PSD3: variants seen among roughly 807,000 people sequenced by gnomAD.
PSD3 encodes pleckstrin and Sec7 domain containing 3.
In PSD3, 49 loss-of-function variants were observed where a neutral mutation model predicts 105.5. The observed-to-expected ratio is 0.46, with a 90% confidence interval of 0.37 to 0.59. The LOEUF (loss-of-function observed/expected upper bound fraction) is 0.59, where lower values mean the gene tolerates loss of function less well. Among genes scored for constraint, PSD3 ranks in the 20% least tolerant of loss-of-function variants. The pLI, the probability that PSD3 is intolerant of heterozygous loss-of-function variation, is 0.00. For synonymous variants in PSD3, 557 were observed against 457.8 expected, an observed-to-expected ratio of 1.22 and a Z score of -2.77; for missense variants, 1,561 against 1,263.8, an observed-to-expected ratio of 1.24 and a Z score of -3.57.
At chr8:18,752,515 ATGTAATATATATAATTATATAT>A (rs1563225025) in intron 9 of PSD3, among the ~76,000 whole-genome samples, 1 of 85,016 alleles carries the variant, frequency 1.2e-5, no homozygotes, top group African/African-American at 7.0e-5. Flanking sequence ...TATATAATAT[ATGTAATATATATAATTATATAT>A]TATATATATT....
At chr8:19,071,411 T>C (rs929075454) in intron 1 of PSD3, among the ~76,000 whole-genome samples, 1 of 152,172 alleles carries the variant, frequency 6.6e-6, no homozygotes, top group Non-Finnish European at 1.5e-5. Flanking sequence ...AGCTCCCCTT[T>C]CTTCCTGCCT....
intron 11 of PSD3, among the ~76,000 whole-genome samples, chr8:18,606,454 G>A (rs1300502163): frequency 6.6e-6 from 1 of 152,144 alleles, no homozygotes; most frequent in African/African-American, 2.4e-5. Flanking sequence ...TCAGATAAAA[G>A]TTATCTAAAA....
chr8:18,683,758 T>C, intron 9 of PSD3: 2 of 764,324 alleles, frequency 2.6e-6, no homozygotes, highest in East Asian at 2.4e-5. Context: ...TAAGGTTCAA[T>C]GTGGTATTTC....
At chr8:18,740,088 C>T (rs973866202) in intron 9 of PSD3, among the ~76,000 whole-genome samples, 1 of 152,182 alleles carries the variant, frequency 6.6e-6, no homozygotes, top group Non-Finnish European at 1.5e-5. Context: ...GCCAGCCAGC[C>T]TCCACGAGCA....
chr8:18,562,771 T>A (rs1801474326), intron 14 of PSD3, among the ~76,000 whole-genome samples: 1 of 151,922 alleles, frequency 6.6e-6, no homozygotes, highest in Non-Finnish European at 1.5e-5. Context: ...CGCCTTTAAT[T>A]CCAATTGCAC....
At chr8:18,595,164 CT>C (rs1420426483) in intron 12 of PSD3, among the ~76,000 whole-genome samples, 1 of 150,758 alleles carries the variant, frequency 6.6e-6, no homozygotes. Context: ...TCATTATCAG[CT>C]TAAAATAGAT....
chr8:19,081,817 C>A (rs1245844143), intron 1 of PSD3, among the ~76,000 whole-genome samples: 1 of 152,120 alleles, frequency 6.6e-6, no homozygotes, highest in Non-Finnish European at 1.5e-5. Flanking sequence ...TCTTCAGATC[C>A]AGGATTTTCC....
chr8:18,964,118 G>GT (rs199963068), intron 1 of PSD3, among the ~76,000 whole-genome samples: 2,241 of 151,924 alleles, frequency 0.015, 70 homozygotes, highest in African/African-American at 0.05. Context: ...AATAACTCGG[G>GT]TTTTTTTTGT....
chr8:18,677,987 G>C (rs1404606675), intron 9 of PSD3, among the ~76,000 whole-genome samples: 1 of 143,184 alleles, frequency 7.0e-6, no homozygotes, highest in African/African-American at 2.7e-5. Flanking sequence ...TCCAGCCTGG[G>C]CAGCAGAGCG....
At chr8:18,564,642 A>AG (rs1372278144) in intron 14 of PSD3, among the ~76,000 whole-genome samples, 2 of 151,798 alleles carry the variant, frequency 1.3e-5, no homozygotes, top group African/African-American at 4.8e-5. Flanking sequence ...AAAAAAAAAA[A>AG]AAGATATTTA....
At chr8:19,025,922 A>T (rs547616210) in intron 1 of PSD3, among the ~76,000 whole-genome samples, 1 of 152,180 alleles carries the variant, frequency 6.6e-6, no homozygotes, top group African/African-American at 2.4e-5. Flanking sequence ...GAGACTGGGT[A>T]ATTTATAAAG....
chr8:18,752,575 AATT>A lies in PSD3; in HGVS notation c.2172+12871_2172+12873del, dbSNP rs1165282606. Among the ~76,000 whole-genome samples the A allele has an allele frequency of 8.0e-3, 255 of 31,684 alleles. 4 individuals carry two copies. The highest frequency in any genetic ancestry group is 0.034 in the African/African-American group (245 of 7,152). The allele number at this position is 31,684 out of a possible 152,430, so 20.8% of individuals were successfully genotyped here. Reference sequence around the variant, plus strand: ...ATATAATTATATATATTATATATATAATTATATATATTATATATTATATATTAT... The same window carrying A: ...ATATAATTATATATATTATATATATAATATATATTATATATTATATATTAT... On this transcript the variant is annotated intron_variant, in intron 9 of 15. Coordinates refer to ENST00000327040, the MANE Select transcript of PSD3 (RefSeq NM_015310.4).
intron 1 of PSD3, among the ~76,000 whole-genome samples, chr8:19,031,253 G>A (rs189992986): frequency 1.3e-5 from 2 of 152,228 alleles, no homozygotes; most frequent in Admixed American, 1.3e-4. Flanking sequence ...AAACTTAAGG[G>A]TTTCTATTAA....
intron 1 of PSD3, among the ~76,000 whole-genome samples, chr8:18,967,828 T>C (rs1346226867): frequency 1.3e-5 from 2 of 152,106 alleles, no homozygotes; most frequent in African/African-American, 2.4e-5. Flanking sequence ...GAAAATCAGG[T>C]GACGGAAGAT....
chr8:19,019,234 T>C (rs1827281425), intron 1 of PSD3, among the ~76,000 whole-genome samples: 1 of 151,534 alleles, frequency 6.6e-6, no homozygotes, highest in Admixed American at 6.6e-5. Context: ...TGCTTTAAAC[T>C]TAAAACTCAT....
chr8:18,631,006 T>C (rs937282896), intron 11 of PSD3, among the ~76,000 whole-genome samples: 9 of 151,968 alleles, frequency 5.9e-5, no homozygotes, highest in African/African-American at 2.2e-4. Flanking sequence ...ATCAATCCCC[T>C]ACAGATATTA....
chr8:18,656,349 T>C (rs12544581), intron 9 of PSD3, among the ~76,000 whole-genome samples: 60,436 of 150,970 alleles, frequency 0.4, 12,636 homozygotes, highest in African/African-American at 0.51. Flanking sequence ...TGAGCCACTG[T>C]GTCTGGCTGC....
At position 18,535,611 on chromosome 8, in the gene PSD3, C is replaced by T. The variant is rs967233381; in HGVS notation, c.*132G>A. ...CTGTACAGAAACTAACAAAAATATA[C>T]AATAGAAAAAATTACTAATGCACCG... On this transcript the variant is annotated 3_prime_UTR_variant, in exon 16 of 16. Coordinates refer to ENST00000327040, the MANE Select transcript of PSD3 (RefSeq NM_015310.4). The T allele has an allele frequency of 6.6e-6, 5 of 758,442 alleles. No homozygotes were observed. Among genetic ancestry groups the T allele is most frequent in the South Asian group, 1.8e-5 (1 of 54,152 alleles). 47.0% of individuals were successfully genotyped at this position (758,442 alleles called of 1,614,324 possible).
In PSD3 at chr8:18,960,728, C is replaced by T. The variant is rs145621287; in HGVS notation, c.22-24586G>A. Among the ~76,000 whole-genome samples the T allele has an allele frequency of 1.2e-3, 176 of 152,214 alleles. 1 individual carries two copies. Among genetic ancestry groups the T allele is most frequent in the African/African-American group, 4.0e-3 (168 of 41,522 alleles). On this transcript the variant is annotated intron_variant, in intron 1 of 15. Coordinates refer to ENST00000327040, the MANE Select transcript of PSD3 (RefSeq NM_015310.4). ...ACAATTTAAAGAGCTGAAAATGAGGCTTCTAGAAGGAGGAAAACAGCAATT... is the reference window on the plus strand; with the variant it reads ...ACAATTTAAAGAGCTGAAAATGAGGTTTCTAGAAGGAGGAAAACAGCAATT...
Sources: gnomAD v4.1 joint callset for allele counts (sites outside exome capture counted in the v4.1 genomes callset) on GRCh38, gnomAD v4.1.1 for gene constraint, MANE v1.5 for transcripts, NCBI Gene and HGNC (gene_info 2026-07-23, HGNC 2026-07-21) for gene names.